The following SOX5 variants were observed in gnomAD, a reference collection of about 807,000 sequenced individuals.
The protein encoded by SOX5 is SRY-box transcription factor 5.
Under a neutral mutation model 92.0 loss-of-function variants are expected in SOX5, and 9 were observed. The observed-to-expected ratio is 0.10, with a 90% CI of 0.06 to 0.17. SOX5 has a LOEUF of 0.17. Ranked by LOEUF, SOX5 falls within the 10% of genes least tolerant of loss-of-function variation. The probability of loss-of-function intolerance (pLI) is 1.00; values close to 1 mark genes in which losing one functional copy is unlikely to be tolerated. For missense variants in SOX5, 642 were observed against 944.5 expected (o/e 0.68, Z 4.20); for synonymous variants, 344 against 336.3 (o/e 1.02, Z -0.25).
At chr12:24,329,026 G>A (rs1951013171) in intron 2 of SOX5, among the ~76,000 whole-genome samples, 1 of 152,052 alleles carries the variant, frequency 6.6e-6, no homozygotes, top group African/African-American at 2.4e-5. Context: ...AACACTTAAG[G>A]TTTCTCTAAT....
chr12:23,638,914 A>G (rs1013319055), intron 8 of SOX5, among the ~76,000 whole-genome samples: 3 of 151,342 alleles, frequency 2.0e-5, no homozygotes, highest in Non-Finnish European at 4.4e-5. Flanking sequence ...ACTTTTTTAT[A>G]TGTTTATGTA....
intron 4 of SOX5, among the ~76,000 whole-genome samples, chr12:23,974,565 G>A (rs774131486): frequency 3.3e-5 from 5 of 152,178 alleles, no homozygotes; most frequent in Non-Finnish European, 4.4e-5. Flanking sequence ...CTTTCTTTTC[G>A]AAATCTAGAT....
At chr12:23,710,662 C>T (rs975404349) in intron 6 of SOX5, among the ~76,000 whole-genome samples, 3 of 152,128 alleles carry the variant, frequency 2.0e-5, no homozygotes, top group South Asian at 2.1e-4. Flanking sequence ...TGGGTTGGTT[C>T]CAAGTCTTTG....
chr12:24,225,246 C>A (rs1449099468), intron 3 of SOX5, among the ~76,000 whole-genome samples: 3 of 152,188 alleles, frequency 2.0e-5, no homozygotes, highest in East Asian at 1.9e-4. Flanking sequence ...TAACCCATCA[C>A]CAAAATCAGC....
chr12:24,493,256 A>G (rs973879147), intron 1 of SOX5, among the ~76,000 whole-genome samples: 4 of 152,228 alleles, frequency 2.6e-5, no homozygotes, highest in African/African-American at 9.6e-5. Flanking sequence ...CAGTGTCAAC[A>G]GTATTCAAAA....
chr12:24,339,367 T>C lies in SOX5; in HGVS notation c.-174+29196A>G, dbSNP rs75056345. Among the ~76,000 whole-genome samples, 115 of 151,544 alleles carry C rather than the reference T, an allele frequency of 7.6e-4. 1 individual carries two copies. Among genetic ancestry groups the C allele is most frequent in the African/African-American group, 2.5e-3 (102 of 41,290 alleles). ...GGATAAGGAGCAGCAGCAGAAAGAG[T>C]GGCACATTCTAAGCAGAGGGTACAA... On this transcript the variant is annotated intron_variant, in intron 2 of 4. Coordinates refer to the SOX5 transcript ENST00000446891.
chr12:23,935,669 G>A (rs906191900), intron 1 of SOX5, among the ~76,000 whole-genome samples: 3 of 151,174 alleles, frequency 2.0e-5, no homozygotes, highest in Non-Finnish European at 4.5e-5. Flanking sequence ...ATATCACCTT[G>A]TGCAATGAAT....
rs2082047183 is a variant in SOX5 at position 23,654,305 on chromosome 12, T to C, written c.931+11139A>G. ...TATTCCATAATTTATCTCTTGTAAA[T>C]TTTGATTTTATAAACAATTCTTATC... On this transcript the variant is annotated intron_variant, in intron 7 of 14. Coordinates refer to ENST00000451604, the MANE Select transcript of SOX5 (RefSeq NM_006940.6). Among the ~76,000 whole-genome samples the C allele has an allele frequency of 2.6e-5, 4 of 152,122 alleles. No individual in the cohort carries two copies. In the South Asian group the frequency reaches 8.3e-4, roughly 31 times the overall value.
intron 8 of SOX5, among the ~76,000 whole-genome samples, chr12:23,615,776 G>T (rs979493361): frequency 5.3e-5 from 8 of 152,164 alleles, no homozygotes; most frequent in African/African-American, 1.4e-4. Flanking sequence ...TAATGGGATT[G>T]TATTTATATC....
chr12:24,017,253 A>G (rs1482171402), intron 4 of SOX5, among the ~76,000 whole-genome samples: 1 of 152,182 alleles, frequency 6.6e-6, no homozygotes, highest in East Asian at 1.9e-4. Flanking sequence ...TTAACCCGAC[A>G]ACCTGCCTCT....
chr12:24,070,115 A>G (rs1159570117), intron 4 of SOX5, among the ~76,000 whole-genome samples: 1 of 152,112 alleles, frequency 6.6e-6, no homozygotes, highest in Non-Finnish European at 1.5e-5. Flanking sequence ...TTCTCATACT[A>G]TCTTCAGCAG....
chr12:24,398,505 C>G (rs1456658597), intron 1 of SOX5, among the ~76,000 whole-genome samples: 1 of 152,046 alleles, frequency 6.6e-6, no homozygotes, highest in Non-Finnish European at 1.5e-5. Context: ...ACCTGTCCCC[C>G]GTCTAGAAAA....
At chr12:23,721,081 ATTTAT>A (rs1447021745) in intron 6 of SOX5, among the ~76,000 whole-genome samples, 1 of 151,458 alleles carries the variant, frequency 6.6e-6, no homozygotes, top group Non-Finnish European at 1.5e-5. Context: ...TATTTTATTT[ATTTAT>A]TTATTTATTT....
At chr12:24,140,805 A>G (rs1162063384) in intron 4 of SOX5, among the ~76,000 whole-genome samples, 1 of 152,194 alleles carries the variant, frequency 6.6e-6, no homozygotes, top group Non-Finnish European at 1.5e-5. Flanking sequence ...GCATCCATAG[A>G]TATAACGACA....
intron 1 of SOX5, among the ~76,000 whole-genome samples, chr12:24,453,003 T>C (rs1017495016): frequency 3.9e-5 from 6 of 152,230 alleles, no homozygotes; most frequent in Non-Finnish European, 5.9e-5. Context: ...CAGAAGAATG[T>C]TAAATCTATT....
At chr12:24,333,190 T>G (rs1951521509) in intron 2 of SOX5, among the ~76,000 whole-genome samples, 1 of 152,080 alleles carries the variant, frequency 6.6e-6, no homozygotes, top group Non-Finnish European at 1.5e-5. Context: ...AGCTACCATA[T>G]TCATATTATT....
At chr12:23,601,885 AAG>A (rs1177934775) in intron 9 of SOX5, among the ~76,000 whole-genome samples, 3 of 152,138 alleles carry the variant, frequency 2.0e-5, no homozygotes, top group Non-Finnish European at 4.4e-5. Flanking sequence ...TTCTGACAAT[AAG>A]AGTGGTTGTG....
intron 4 of SOX5, among the ~76,000 whole-genome samples, chr12:24,179,598 C>T (rs1955237355): frequency 1.3e-5 from 2 of 152,176 alleles, no homozygotes; most frequent in Non-Finnish European, 1.5e-5. Context: ...AAATGCCCAT[C>T]TGTGTCTCCT....
chr12:24,289,725 G>A, intron 2 of SOX5, among the ~76,000 whole-genome samples: 1 of 120,648 alleles, frequency 8.3e-6, no homozygotes, highest in Admixed American at 7.5e-5. Context: ...AAAGTGCTGG[G>A]ATTACAGGCG....
Sources: allele counts gnomAD v4.1 joint callset (sites outside exome capture counted in the v4.1 genomes callset), GRCh38; gene constraint gnomAD v4.1.1; transcripts MANE v1.5; gene names NCBI Gene and HGNC (gene_info 2026-07-23, HGNC 2026-07-21).